Variants in MAP1B observed in about 807,000 individuals in gnomAD.
MAP1B encodes microtubule-associated protein 1B.
In MAP1B, 12 loss-of-function variants were observed where a neutral mutation model predicts 176.1. The observed-to-expected ratio is 0.07, with a 90% CI of 0.04 to 0.11. MAP1B has a LOEUF of 0.11. Ranked by LOEUF, MAP1B falls within the 10% of genes least tolerant of loss-of-function variation. The pLI, the probability that MAP1B is intolerant of heterozygous loss-of-function variation, is 1.00. For synonymous variants in MAP1B, 1,044 were observed against 1,135.0 expected (o/e 0.92, Z 1.61); for missense variants, 2,523 against 2,990.5 (o/e 0.84, Z 3.65).
intron 2 of MAP1B, among the ~76,000 whole-genome samples, chr5:72,149,370 C>A (rs1002057701): frequency 6.6e-6 from 1 of 152,178 alleles, no homozygotes; most frequent in Admixed American, 6.5e-5. Flanking sequence ...ACTAATTAAG[C>A]CTGTTTAAAC....
At chr5:72,201,016 TTCTC>T (rs1414576067) in intron 5 of MAP1B, among the ~76,000 whole-genome samples, 1 of 152,166 alleles carries the variant, frequency 6.6e-6, no homozygotes, top group African/African-American at 2.4e-5. Flanking sequence ...GCTCTTACCC[TTCTC>T]TTACCCCATG....
intron 1 of MAP1B, among the ~76,000 whole-genome samples, chr5:72,109,315 G>C (rs1745261680): frequency 6.6e-6 from 1 of 151,736 alleles, no homozygotes; most frequent in African/African-American, 2.4e-5. Flanking sequence ...AGATATTTCA[G>C]TAGTGAAATG....
rs1159723039 is a variant in MAP1B, at chr5:72,196,603, C to T, written c.3248C>T (p.Ser1083Phe). ...GAQSPGREPASSIHDETLPGG... is the reference protein window; with the variant it reads ...GAQSPGREPAFSIHDETLPGG... ...CAGTCTCCTGGCCGAGAACCTGCAT[C>T]TTCAATTCATGATGAGACTTTACCT... is the stretch of plus-strand genomic sequence containing the variant. The change falls in exon 5 of 7, where the codon TCT becomes TTT. Residue 1083 changes from serine (S) to phenylalanine (F), a missense_variant. By Grantham distance (155) the Ser-to-Phe change is radical. Around this residue, in one of 4 missense-constraint regions of MAP1B, gnomAD observed 1,925 missense variants for 2,126.0 expected, o/e 0.91. Coordinates refer to ENST00000296755, the MANE Select transcript of MAP1B (RefSeq NM_005909.5). This position sits in a 1 kb window ranked among gnomAD's most constrained non-coding sequence, Gnocchi z 5.3. The T allele has an allele frequency of 6.2e-7, 1 of 1,614,010 alleles. No homozygotes were observed. Among genetic ancestry groups the T allele is most frequent in the Admixed American group, 1.7e-5 (1 of 60,018 alleles).
At chr5:72,152,204 T>C (rs1057383624) in intron 2 of MAP1B, among the ~76,000 whole-genome samples, 3 of 152,180 alleles carry the variant, frequency 2.0e-5, no homozygotes, top group Non-Finnish European at 4.4e-5. Flanking sequence ...TTATCCTATC[T>C]ATGGATATGT....
At position 72,197,151 on chromosome 5, in the gene MAP1B, C is replaced by A. The variant is rs149644343; in HGVS notation, c.3796C>A (p.Pro1266Thr). ...GTCCCTGAGTCCATCTCCACCATCA[C>A]CCTTAGAAAAGACCCCCCTGGGTGA... ...SPSLSPSPPS[P>T]LEKTPLGERS... The change falls in exon 5 of 7, where the codon CCC becomes ACC. Residue 1266 changes from proline (P) to threonine (T), a missense_variant. Around this residue, in one of 4 missense-constraint regions of MAP1B, gnomAD observed 1,925 missense variants for 2,126.0 expected, o/e 0.91. Transcript: ENST00000296755. 6.2e-7 allele frequency: 1 copy of A among 1,614,190 alleles called. No homozygotes were observed. The highest frequency in any genetic ancestry group is 1.1e-5 in the South Asian group (1 of 91,082).
chr5:72,156,932 A>C (rs1042978949), intron 2 of MAP1B, among the ~76,000 whole-genome samples: 1 of 152,180 alleles, frequency 6.6e-6, no homozygotes, highest in Non-Finnish European at 1.5e-5. Context: ...ACTCACAAAG[A>C]CCTTGTAAGT....
At position 72,196,830 on chromosome 5, in the gene MAP1B, T is replaced by G; in HGVS notation, c.3475T>G (p.Phe1159Val). 2 of 1,614,110 alleles carry G rather than the reference T, an allele frequency of 1.2e-6. No homozygotes were observed. Among genetic ancestry groups the G allele is most frequent in the Non-Finnish European group, 1.7e-6 (2 of 1,179,988 alleles). Residue 1159 changes from phenylalanine to valine, a missense_variant, in exon 5 of 7, where the codon TTC becomes GTC. Transcript: ENST00000296755. The surrounding 1 kb of genome is among the most constrained non-coding windows in gnomAD (Gnocchi z 5.3). Reference protein sequence around the residue: ...NEETESPSQEFVNITKYESSL... With the variant: ...NEETESPSQEVVNITKYESSL... The stretch of plus-strand genomic sequence containing the variant: ...AGAGACGGAGTCCCCTTCTCAGGAA[T>G]TCGTAAATATCACCAAATATGAATC...
chr5:72,201,839 G>A (rs987781982), intron 5 of MAP1B, among the ~76,000 whole-genome samples: 1 of 152,096 alleles, frequency 6.6e-6, no homozygotes, highest in Admixed American at 6.6e-5. Context: ...CTTTCTACAT[G>A]CACATAGAAA....
At chr5:72,179,748 A>G (rs1746728112) in intron 2 of MAP1B, 8 of 985,392 alleles carry the variant, frequency 8.1e-6, no homozygotes, top group Non-Finnish European at 9.6e-6. Context: ...CTTCATTCAA[A>G]TCCGATCCTA....
chr5:72,195,394 T>C lies in MAP1B; in HGVS notation c.2039T>C (p.Val680Ala), dbSNP rs749379057. 6.5e-7 allele frequency: 1 copy of C among 1,536,910 alleles called. No homozygotes were observed. Among genetic ancestry groups the C allele is most frequent in the Non-Finnish European group, 8.7e-7 (1 of 1,148,070 alleles). Residue 680 changes from valine (V) to alanine (A), a missense_variant, in exon 5 of 7, where the codon GTG becomes GCG. Transcript: ENST00000296755. ...GAGGAAAAACCAAAAAAGGAAGAGG[T>C]GAAAAAAGAAGTCAAAAAAGAGATC... ...KKEEKPKKEEVKKEVKKEIKK... is the reference protein window; with the variant it reads ...KKEEKPKKEEAKKEVKKEIKK...
chr5:72,142,131 G>T (rs1745958860), intron 2 of MAP1B, among the ~76,000 whole-genome samples: 1 of 152,226 alleles, frequency 6.6e-6, no homozygotes, highest in African/African-American at 2.4e-5. Flanking sequence ...ACAGTTTGGT[G>T]TCCCTCCCCA....
In MAP1B at chr5:72,200,058, C is replaced by T. The variant is rs770070093; in HGVS notation, c.6703C>T (p.Leu2235=). ...CATTGAGCAGAACCTGGGCAAAGCT[C>T]TAAAGAAAGATCTGAAAGAGAAGAC... ...LAIEQNLGKA[L]KKDLKEKTKT... is the part of the protein sequence containing the mutation. Residue 2235 remains leucine (L), a synonymous_variant, in exon 5 of 7, where the codon CTA becomes TTA. Coordinates refer to ENST00000296755, the MANE Select transcript of MAP1B (RefSeq NM_005909.5). 1.9e-6 allele frequency: 3 copies of T among 1,614,158 alleles called. No homozygotes were observed. Among genetic ancestry groups the T allele is most frequent in the South Asian group, 1.1e-5 (1 of 91,086 alleles).
rs1747459108 is a variant in MAP1B, at chr5:72,206,744, T to C, written c.*1505T>C. 2.0e-5 allele frequency: 3 copies of C among 152,200 alleles called. No individual in the cohort carries two copies. Among genetic ancestry groups the C allele is most frequent in the South Asian group, 4.1e-4 (2 of 4,832 alleles). The allele number at this position is 152,200 out of a possible 1,614,324, so 9.4% of individuals were successfully genotyped here. On this transcript the variant is annotated 3_prime_UTR_variant, in exon 7 of 7. Transcript: ENST00000296755. The stretch of plus-strand genomic sequence containing the variant: ...TAAGACAAAAATTGAATAATGTTTT[T>C]TGAAGTTCTGGCAAGATTGAAGTCT...
intron 2 of MAP1B, among the ~76,000 whole-genome samples, chr5:72,155,192 A>C (rs1294333767): frequency 6.6e-6 from 1 of 152,170 alleles, no homozygotes; most frequent in East Asian, 1.9e-4. Context: ...TAAACTCCTC[A>C]AGAGTAGTGA....
intron 2 of MAP1B, among the ~76,000 whole-genome samples, chr5:72,161,156 C>T (rs1328326100): frequency 6.6e-6 from 1 of 152,128 alleles, no homozygotes; most frequent in Non-Finnish European, 1.5e-5. Context: ...CAGTGGTACT[C>T]AGGGGACAGA....
Position 72,194,816 on chromosome 5 carries a change from C to T in MAP1B, c.1461C>T (p.Val487=), listed in dbSNP as rs2112232640. The part of the protein sequence containing the change: ...PANPAEKIIR[V]LFPGNSTQYN... ...ACCCTGCGGAGAAAATCATCCGAGT[C>T]CTGTTTCCTGGGAACAGCACCCAGT... The change falls in exon 5 of 7, where the codon GTC becomes GTT. Residue 487 remains valine, a synonymous_variant. Coordinates refer to ENST00000296755, the MANE Select transcript of MAP1B (RefSeq NM_005909.5). The surrounding 1 kb of genome is among the most constrained non-coding windows in gnomAD (Gnocchi z 7.2). The T allele has an allele frequency of 6.2e-7, 1 of 1,614,176 alleles. No homozygotes were observed. The highest frequency in any genetic ancestry group is 8.5e-7 in the Non-Finnish European group (1 of 1,180,028).
intron 2 of MAP1B, among the ~76,000 whole-genome samples, chr5:72,137,317 G>A (rs1297365916): frequency 1.3e-5 from 2 of 152,150 alleles, no homozygotes; most frequent in African/African-American, 4.8e-5. Flanking sequence ...AGAACCTTGA[G>A]TGTATTATTT....
At position 72,175,703 on chromosome 5, in the gene MAP1B, G is replaced by A. The variant is rs554227666; in HGVS notation, c.287-8040G>A. On this transcript the variant is annotated intron_variant, in intron 2 of 6. Transcript: ENST00000296755. Reference sequence around the variant, plus strand: ...CTGGGTAGGAGAGAAACACCGAAGAGAGGATTTAGAAAGCAGGTCAAATGA... The same window carrying A: ...CTGGGTAGGAGAGAAACACCGAAGAAAGGATTTAGAAAGCAGGTCAAATGA... 3.9e-5 allele frequency among the ~76,000 whole-genome samples: 6 copies of A among 152,296 alleles called. No individual in the cohort carries two copies. The East Asian group carries it at 1.2e-3, about 29-fold the overall frequency.
At chr5:72,191,110 G>A (rs1229652605) in intron 4 of MAP1B, among the ~76,000 whole-genome samples, 2 of 152,212 alleles carry the variant, frequency 1.3e-5, no homozygotes, top group Non-Finnish European at 2.9e-5. Flanking sequence ...CCCACTCCAG[G>A]AAGATAACAT....
Sources: gnomAD v4.1 joint callset for allele counts (sites outside exome capture counted in the v4.1 genomes callset) on GRCh38, gnomAD v4.1.1 for gene constraint, gnomAD v4.1.1 regional missense constraint, Gnocchi (gnomAD v3.1) non-coding constraint, MANE v1.5 for transcripts, NCBI Gene and HGNC (gene_info 2026-07-23, HGNC 2026-07-21) for gene names.